CX3CL1: variants seen among roughly 807,000 people sequenced by gnomAD.
The protein encoded by CX3CL1 is fractalkine.
A neutral mutation model predicts 14.1 loss-of-function variants in CX3CL1; 1 was observed. The ratio of observed to expected loss-of-function variants is 0.07; its 90% CI spans 0.03 to 0.34. The LOEUF is 0.34. Ranked by LOEUF, CX3CL1 falls within the 10% of genes least tolerant of loss-of-function variation. The probability of loss-of-function intolerance (pLI) is 0.99; values close to 1 mark genes in which losing one functional copy is unlikely to be tolerated. For synonymous variants in CX3CL1, 255 were observed against 229.6 expected, an observed-to-expected ratio of 1.11 and a Z score of -1.00; for missense variants, 505 against 536.4, an observed-to-expected ratio of 0.94 and a Z score of 0.58.
chr16:57,381,861 A>G (rs1481861374), intron 2 of CX3CL1, among the ~76,000 whole-genome samples, 169 bp from the exon 3 acceptor site: 1 of 152,110 alleles, frequency 6.6e-6, no homozygotes, highest in Admixed American at 6.5e-5. Context: ...GATGCTCAGG[A>G]GAGCGGGTTG....
chr16:57,372,565 A>G lies in CX3CL1; in HGVS notation c.-4A>G. ...CCCGCCGGGACTCTTGCCCACCCTC[A>G]GCCATGGCTCCGATATCTCTGTCGT... On this transcript the variant is annotated 5_prime_UTR_variant, in exon 1 of 3. Coordinates refer to ENST00000006053, the MANE Select transcript of CX3CL1 (RefSeq NM_002996.6). 6.2e-7 allele frequency: 1 copy of G among 1,612,018 alleles called. No homozygotes were observed. The highest frequency in any genetic ancestry group is 8.5e-7 in the Non-Finnish European group (1 of 1,179,908).
At chr16:57,374,060 T>C (rs1902213521) in intron 1 of CX3CL1, among the ~76,000 whole-genome samples, 1 of 152,122 alleles carries the variant, frequency 6.6e-6, no homozygotes, top group Admixed American at 6.5e-5. Flanking sequence ...ATCTTGGTCA[T>C]TGGCTTTACT....
intron 1 of CX3CL1, among the ~76,000 whole-genome samples, chr16:57,376,178 G>A (rs1902242247): frequency 6.6e-6 from 1 of 152,202 alleles, no homozygotes; most frequent in South Asian, 2.1e-4. Flanking sequence ...ATCAGGCTGG[G>A]AGCCTTCTGA....
intron 2 of CX3CL1, among the ~76,000 whole-genome samples, chr16:57,380,996 C>T (rs1289356340): frequency 2.0e-5 from 3 of 152,172 alleles, no homozygotes; most frequent in African/African-American, 4.8e-5. Flanking sequence ...GCTTACTTCT[C>T]CAAGACACCC....
At chr16:57,374,466 A>G (rs1359387590) in intron 1 of CX3CL1, among the ~76,000 whole-genome samples, 1 of 151,962 alleles carries the variant, frequency 6.6e-6, no homozygotes, top group African/African-American at 2.4e-5. Flanking sequence ...AAAAAAACGA[A>G]TCTGTTTTAA....
At position 57,382,027 on chromosome 16, in the gene CX3CL1, T is replaced by C. The variant is rs1294368780; in HGVS notation, c.192-3T>C. On this transcript the variant is annotated splice_region_variant and splice_polypyrimidine_tract_variant and intron_variant, in intron 2 of 2. Transcript: ENST00000006053. The surrounding 1 kb of genome is among the most constrained non-coding windows in gnomAD (Gnocchi z 6.9). ...ACCGAATCCCTGTCTTCCTCCCTTGTAGCTTGGAGACGAGACAGCACAGGC... is the reference window on the plus strand; with the variant it reads ...ACCGAATCCCTGTCTTCCTCCCTTGCAGCTTGGAGACGAGACAGCACAGGC... 2 of 1,570,802 alleles carry C rather than the reference T, an allele frequency of 1.3e-6. No individual in the cohort carries two copies. Among genetic ancestry groups the C allele is most frequent in the South Asian group, 2.3e-5 (2 of 85,634 alleles).
intron 2 of CX3CL1, among the ~76,000 whole-genome samples, chr16:57,381,092 T>C (rs1902314173): frequency 6.6e-6 from 1 of 152,212 alleles, no homozygotes; most frequent in Non-Finnish European, 1.5e-5. Context: ...AGGGTCATAC[T>C]TGCTTCCTGG....
chr16:57,376,678 G>A (rs900329507), intron 1 of CX3CL1, among the ~76,000 whole-genome samples: 2 of 152,084 alleles, frequency 1.3e-5, no homozygotes, highest in African/African-American at 4.8e-5. Context: ...AGATGAATAG[G>A]GGTTGGGCAG....
At chr16:57,377,551 G>C (rs541046704) in intron 1 of CX3CL1, 1 of 152,424 alleles carries the variant, frequency 6.6e-6, no homozygotes, top group African/African-American at 2.4e-5. Context: ...GCGATGGAGA[G>C]AGGAAGCAGC....
At chr16:57,374,524 G>A (rs1433181342) in intron 1 of CX3CL1, among the ~76,000 whole-genome samples, 2 of 152,132 alleles carry the variant, frequency 1.3e-5, no homozygotes, top group Non-Finnish European at 2.9e-5. Flanking sequence ...GGATGGGGAG[G>A]GCATGGGAGG....
intron 2 of CX3CL1, among the ~76,000 whole-genome samples, chr16:57,380,872 C>T (rs1902310198): frequency 6.6e-6 from 1 of 152,184 alleles, no homozygotes; most frequent in Non-Finnish European, 1.5e-5. Context: ...TGGCCCTTTG[C>T]TTTCTAGGCC....
chr16:57,375,138 T>TA (rs572966437), intron 1 of CX3CL1, among the ~76,000 whole-genome samples: 37,854 of 95,094 alleles, frequency 0.4, 6,997 homozygotes, highest in African/African-American at 0.57. Context: ...AGAGTCCATT[T>TA]AAAAAAAAAA....
intron 2 of CX3CL1, among the ~76,000 whole-genome samples, chr16:57,381,765 AC>A (rs1159680756): frequency 2.0e-5 from 3 of 151,314 alleles, no homozygotes; most frequent in African/African-American, 7.3e-5. Context: ...CATCCTAAGC[AC>A]CCCCTCCATC....
chr16:57,381,506 G>A (rs912727009), intron 2 of CX3CL1, among the ~76,000 whole-genome samples: 1 of 152,124 alleles, frequency 6.6e-6, no homozygotes, highest in Admixed American at 6.5e-5. Context: ...CATAAGGCCT[G>A]TTCCAGAGTG....
chr16:57,372,678 C>T (rs550527744), intron 1 of CX3CL1, 40 bp downstream of exon 1: 3 of 1,599,210 alleles, frequency 1.9e-6, no homozygotes, highest in African/African-American at 2.7e-5. Flanking sequence ...GGGTAGGGAG[C>T]CCCCAGCCCC....
Position 57,382,396 on chromosome 16 carries a change from C to T in CX3CL1, c.558C>T (p.Phe186=). 1 of 1,612,124 alleles carries T rather than the reference C, an allele frequency of 6.2e-7. No homozygotes were observed. Among genetic ancestry groups the T allele is most frequent in the South Asian group, 1.1e-5 (1 of 91,062 alleles). ...GAGGGCCTGTGGGCACGGAGCTTTT[C>T]CGAGTGCCTCCCGTCTCCACTGCCG... is the stretch of plus-strand genomic sequence containing the variant. ...QDGGPVGTEL[F]RVPPVSTAAT... The change falls in exon 3 of 3, where the codon TTC becomes TTT. Residue 186 remains phenylalanine, a synonymous_variant. Coordinates refer to ENST00000006053, the MANE Select transcript of CX3CL1 (RefSeq NM_002996.6). The surrounding 1 kb of genome is among the most constrained non-coding windows in gnomAD (Gnocchi z 6.9).
rs747409255 is a variant in CX3CL1 at position 57,383,073 on chromosome 16, G to T, written c.*41G>T. 1 of 1,365,886 alleles carries T rather than the reference G, an allele frequency of 7.3e-7. No individual in the cohort carries two copies. The highest frequency in any genetic ancestry group is 2.7e-5 in the East Asian group (1 of 37,228). 84.6% of individuals were successfully genotyped at this position (1,365,886 alleles called of 1,614,324 possible). A position where few individuals can be genotyped will look rare whatever the true frequency, so the allele number is the denominator to read the frequency against. Reference sequence around the variant, plus strand: ...GTCTAGTTGTTTGATTCAGACAGCTGCCTGGGATCCCTCATCCTCATACCC... The same window carrying T: ...GTCTAGTTGTTTGATTCAGACAGCTTCCTGGGATCCCTCATCCTCATACCC... On this transcript the variant is annotated 3_prime_UTR_variant, in exon 3 of 3. Transcript: ENST00000006053.
At chr16:57,375,847 A>G (rs1031454444) in intron 1 of CX3CL1, among the ~76,000 whole-genome samples, 1 of 151,994 alleles carries the variant, frequency 6.6e-6, no homozygotes, top group Admixed American at 6.6e-5. Context: ...CCTCATGTAA[A>G]CCCCAATATG....
Position 57,382,387 on chromosome 16 carries a change from G to A in CX3CL1, c.549G>A (p.Thr183=), listed in dbSNP as rs772817365. ...PKAQDGGPVG[T]ELFRVPPVST... ...CTCAGGATGGAGGGCCTGTGGGCACGGAGCTTTTCCGAGTGCCTCCCGTCT... is the reference window on the plus strand; with the variant it reads ...CTCAGGATGGAGGGCCTGTGGGCACAGAGCTTTTCCGAGTGCCTCCCGTCT... Residue 183 remains threonine (T), a synonymous_variant, in exon 3 of 3, where the codon ACG becomes ACA. Transcript: ENST00000006053. This position sits in a 1 kb window ranked among gnomAD's most constrained non-coding sequence, Gnocchi z 6.9. 14 of 1,611,728 alleles carry A rather than the reference G, an allele frequency of 8.7e-6. No homozygotes were observed. The African/African-American group carries it at 9.3e-5, about 11-fold the overall frequency.
Sources: gnomAD v4.1 joint callset for allele counts (sites outside exome capture counted in the v4.1 genomes callset) on GRCh38, gnomAD v4.1.1 for gene constraint, Gnocchi (gnomAD v3.1) non-coding constraint, MANE v1.5 for transcripts, NCBI Gene and HGNC (gene_info 2026-07-23, HGNC 2026-07-21) for gene names.